The following FARS2 variants were observed in gnomAD, a reference collection of about 807,000 sequenced individuals.
The protein encoded by FARS2 is phenylalanyl-tRNA synthetase 2, mitochondrial.
Under a neutral mutation model 46.4 loss-of-function variants are expected in FARS2, and 40 were observed. The ratio of observed to expected loss-of-function variants is 0.86; its 90% CI spans 0.67 to 1.12. The LOEUF (loss-of-function observed/expected upper bound fraction) is 1.12, where lower values mean the gene tolerates loss of function less well. Ranked by LOEUF, FARS2 falls within the 50% of genes most tolerant of loss-of-function variation. FARS2 has a pLI of 0.00. For missense variants in FARS2, 513 were observed against 567.9 expected, an observed-to-expected ratio of 0.90 and a Z score of 0.98; for synonymous variants, 234 against 214.9, an observed-to-expected ratio of 1.09 and a Z score of -0.78.
Position 5,471,151 on chromosome 6 carries a change from G to C in FARS2, c.904+39979G>C, listed in dbSNP as rs966158802. ...AGACTGACCCAGAAGCAGCAGTAGA[G>C]GGCGCTCGGCCCCTCATTTCATAAT... On this transcript the variant is annotated intron_variant, in intron 4 of 6. Coordinates refer to ENST00000274680, the MANE Select transcript of FARS2 (RefSeq NM_006567.5). The surrounding 1 kb of genome is among the most constrained non-coding windows in gnomAD (Gnocchi z 4.1). Among the ~76,000 whole-genome samples, 4 of 152,198 alleles carry C rather than the reference G, an allele frequency of 2.6e-5. No individual in the cohort carries two copies. The highest frequency in any genetic ancestry group is 4.8e-5 in the African/African-American group (2 of 41,440).
At chr6:5,734,092 T>C (rs1490029103) in intron 6 of FARS2, among the ~76,000 whole-genome samples, 1 of 152,216 alleles carries the variant, frequency 6.6e-6, no homozygotes, top group Non-Finnish European at 1.5e-5. Flanking sequence ...CGAAACCTGC[T>C]GTGGACAATG....
At chr6:5,348,148 G>A (rs1757351485) in intron 1 of FARS2, among the ~76,000 whole-genome samples, 1 of 152,136 alleles carries the variant, frequency 6.6e-6, no homozygotes, top group Non-Finnish European at 1.5e-5. Flanking sequence ...TGTCTTTTGA[G>A]AAATGTAAGA....
chr6:5,262,038 C>A (rs1324581782), intron 1 of FARS2, among the ~76,000 whole-genome samples: 1 of 152,210 alleles, frequency 6.6e-6, no homozygotes, highest in Non-Finnish European at 1.5e-5. Context: ...TTGCAAAGCA[C>A]TTTTCTTGTT....
intron 5 of FARS2, chr6:5,609,684 G>C: frequency 1.5e-6 from 2 of 1,305,838 alleles, no homozygotes; most frequent in Non-Finnish European, 2.2e-6. Flanking sequence ...CCATTCACAG[G>C]ATGGCATTTC....
chr6:5,571,620 C>T (rs963649118), intron 5 of FARS2, among the ~76,000 whole-genome samples: 14 of 152,182 alleles, frequency 9.2e-5, no homozygotes, highest in South Asian at 4.1e-4. Context: ...CTCTAGCACC[C>T]GGCTGGGGTT....
At chr6:5,347,560 T>A (rs1270423369) in intron 1 of FARS2, among the ~76,000 whole-genome samples, 2 of 152,166 alleles carry the variant, frequency 1.3e-5, no homozygotes, top group Non-Finnish European at 2.9e-5. Context: ...CTGTTTACCC[T>A]TCTGTTGATG....
At chr6:5,309,916 A>G (rs1304259021) in intron 1 of FARS2, among the ~76,000 whole-genome samples, 1 of 152,198 alleles carries the variant, frequency 6.6e-6, no homozygotes, top group Non-Finnish European at 1.5e-5. Context: ...AAGATAAGTA[A>G]TGAGGGGCAA....
intron 4 of FARS2, among the ~76,000 whole-genome samples, chr6:5,533,568 T>A (rs1769994786): frequency 6.6e-6 from 1 of 152,342 alleles, no homozygotes; most frequent in East Asian, 1.9e-4. Flanking sequence ...CCAGTGAAGA[T>A]GCTGCCCTCA....
chr6:5,397,202 G>T (rs1760959363), intron 2 of FARS2, among the ~76,000 whole-genome samples: 1 of 152,096 alleles, frequency 6.6e-6, no homozygotes. Flanking sequence ...AGCTGAAAAG[G>T]CTCCATACTC....
chr6:5,327,034 G>A (rs1770440654), intron 1 of FARS2, among the ~76,000 whole-genome samples: 2 of 152,108 alleles, frequency 1.3e-5, no homozygotes, highest in African/African-American at 2.4e-5. Flanking sequence ...AGCTTAGGTC[G>A]CTCACCAATG....
intron 3 of FARS2, among the ~76,000 whole-genome samples, chr6:5,406,469 A>T (rs1042938235): frequency 6.6e-6 from 1 of 152,168 alleles, no homozygotes; most frequent in Non-Finnish European, 1.5e-5. Flanking sequence ...GCAACATGTG[A>T]TCTGCTTTCT....
At chr6:5,401,677 G>T (rs1761263047) in intron 2 of FARS2, among the ~76,000 whole-genome samples, 1 of 152,084 alleles carries the variant, frequency 6.6e-6, no homozygotes, top group South Asian at 2.1e-4. Flanking sequence ...CTATGCTCTT[G>T]TGTGTTTCAC....
intron 5 of FARS2, among the ~76,000 whole-genome samples, chr6:5,546,204 A>G (rs116546589): frequency 0.025 from 3,781 of 152,110 alleles, 152 homozygotes; most frequent in African/African-American, 0.086. Context: ...TTTATGCAAG[A>G]GAAAAGATAT....
chr6:5,431,876 G>A, intron 4 of FARS2: 1 of 264,918 alleles, frequency 3.8e-6, no homozygotes. Flanking sequence ...GTCACTATCT[G>A]AATTGAGTAA....
At chr6:5,756,939 A>C (rs1762238200) in intron 6 of FARS2, among the ~76,000 whole-genome samples, 1 of 152,234 alleles carries the variant, frequency 6.6e-6, no homozygotes, top group South Asian at 2.1e-4. Context: ...ATTCAGCACG[A>C]AGCAATGGGG....
intron 1 of FARS2, among the ~76,000 whole-genome samples, chr6:5,354,201 A>G (rs941708507): frequency 6.6e-6 from 1 of 152,086 alleles, no homozygotes; most frequent in African/African-American, 2.4e-5. Context: ...TCTTTACCCA[A>G]TTTCATTGAA....
At chr6:5,543,679 GA>G (rs1360434578) in intron 4 of FARS2, among the ~76,000 whole-genome samples, 22 of 152,024 alleles carry the variant, frequency 1.4e-4, no homozygotes, top group Non-Finnish European at 2.6e-4. Flanking sequence ...TATGTTTTAG[GA>G]AAACATTAAA....
At chr6:5,340,626 A>G (rs79023889) in intron 1 of FARS2, among the ~76,000 whole-genome samples, 2 of 152,212 alleles carry the variant, frequency 1.3e-5, no homozygotes, top group Non-Finnish European at 2.9e-5. Flanking sequence ...CAACAGTGCC[A>G]TAGGTGATAC....
intron 4 of FARS2, among the ~76,000 whole-genome samples, chr6:5,449,115 G>A (rs1037835632): frequency 2.0e-5 from 3 of 152,120 alleles, no homozygotes; most frequent in Admixed American, 6.6e-5. Context: ...TTGGGAGGCC[G>A]AGGCGGGCAG....
Sources: allele counts gnomAD v4.1 joint callset (sites outside exome capture counted in the v4.1 genomes callset), GRCh38; gene constraint gnomAD v4.1.1; non-coding constraint Gnocchi (gnomAD v3.1); transcripts MANE v1.5; gene names NCBI Gene and HGNC (gene_info 2026-07-23, HGNC 2026-07-21).